The following SBSPON variants were observed in gnomAD, a reference collection of about 807,000 sequenced individuals.
SBSPON encodes the protein somatomedin-B and thrombospondin type-1 domain-containing protein.
A neutral mutation model predicts 35.8 loss-of-function variants in SBSPON; 30 were observed. That is an observed-to-expected ratio of 0.84 (90% confidence interval 0.63 to 1.14). The LOEUF (loss-of-function observed/expected upper bound fraction) is 1.14, where lower values mean the gene tolerates loss of function less well. Among genes scored for constraint, SBSPON ranks in the 50% most tolerant of loss-of-function variants. The pLI is 0.00. For missense variants in SBSPON, 364 were observed against 357.7 expected (o/e 1.02, Z -0.14); for synonymous variants, 136 against 135.9 (o/e 1.00, Z 0.00).
intron 1 of SBSPON, chr8:73,085,992 T>A (rs1420276386): frequency 6.6e-6 from 1 of 152,184 alleles, no homozygotes; most frequent in African/African-American, 2.4e-5. Context: ...CAAATAGTCC[T>A]AATCATTCCT....
Position 73,064,926 on chromosome 8 carries a change from C to T in SBSPON, c.*2415G>A, listed in dbSNP as rs1810359593. The T allele has an allele frequency of 6.6e-6, 1 of 151,972 alleles. No homozygotes were observed. Among genetic ancestry groups the T allele is most frequent in the African/African-American group, 2.4e-5 (1 of 41,398 alleles). The allele number at this position is 151,972 out of a possible 1,614,324, so 9.4% of individuals were successfully genotyped here. Reference sequence around the variant, plus strand: ...GAGTTCGTAAATCTTTTTAGAGTGCCTGGGGATAGGGCCCTAAGACTAAGG... The same window carrying T: ...GAGTTCGTAAATCTTTTTAGAGTGCTTGGGGATAGGGCCCTAAGACTAAGG... On this transcript the variant is annotated 3_prime_UTR_variant, in exon 5 of 5. Transcript: ENST00000297354.
intron 1 of SBSPON, among the ~76,000 whole-genome samples, chr8:73,089,459 G>A (rs1810892726): frequency 6.6e-6 from 1 of 152,086 alleles, no homozygotes; most frequent in African/African-American, 2.4e-5. Context: ...AGGAAGCTGA[G>A]GCAGGAGAAT....
intron 1 of SBSPON, among the ~76,000 whole-genome samples, chr8:73,089,438 C>G (rs1440627367): frequency 1.3e-5 from 2 of 152,020 alleles, no homozygotes; most frequent in Non-Finnish European, 2.9e-5. Context: ...TGCCTGTAAT[C>G]CCAGCTACTC....
rs1810874566 is a variant in SBSPON at position 73,088,468 on chromosome 8, A to T, written c.214+4386T>A. 2.0e-5 allele frequency among the ~76,000 whole-genome samples: 3 copies of T among 152,210 alleles called. No individual in the cohort carries two copies. In the South Asian group the frequency reaches 6.2e-4, roughly 32 times the overall value. On this transcript the variant is annotated intron_variant, in intron 1 of 4. Coordinates refer to ENST00000297354, the MANE Select transcript of SBSPON (RefSeq NM_153225.4). Reference sequence around the variant, plus strand: ...GAGGCCAAGGCAGGCAGATTGCTTGAGCCTAGGAATTGGAGACCAGCTTGG... The same window carrying T: ...GAGGCCAAGGCAGGCAGATTGCTTGTGCCTAGGAATTGGAGACCAGCTTGG...
rs1237477687 is a variant in SBSPON at position 73,065,401 on chromosome 8, G to A, written c.*1940C>T. On this transcript the variant is annotated 3_prime_UTR_variant, in exon 5 of 5. Coordinates refer to ENST00000297354, the MANE Select transcript of SBSPON (RefSeq NM_153225.4). ...ATTTTATCATTCTCTGACTGGTCCA[G>A]AAAATTTGGGTTATTTTCTAGTCAA... is the stretch of plus-strand genomic sequence containing the variant. 1 of 152,090 alleles carries A rather than the reference G, an allele frequency of 6.6e-6. No individual in the cohort carries two copies. Among genetic ancestry groups the A allele is most frequent in the African/African-American group, 2.4e-5 (1 of 41,412 alleles). The allele number at this position is 152,090 out of a possible 1,614,324, so 9.4% of individuals were successfully genotyped here.
intron 1 of SBSPON, among the ~76,000 whole-genome samples, chr8:73,087,027 A>G (rs771830450): frequency 3.3e-5 from 5 of 152,176 alleles, no homozygotes; most frequent in Non-Finnish European, 5.9e-5. Context: ...AAGTAGCATC[A>G]TGATAGCCAT....
intron 1 of SBSPON, among the ~76,000 whole-genome samples, chr8:73,091,602 C>T (rs375806129): frequency 1.0e-3 from 154 of 152,240 alleles, no homozygotes; most frequent in African/African-American, 3.6e-3. Context: ...AGTTACCTGG[C>T]TCAAGGGCAC....
At chr8:73,067,501 C>A (rs781680509) in intron 4 of SBSPON, 43 bp from the exon 5 acceptor site, 3 of 1,189,942 alleles carry the variant, frequency 2.5e-6, no homozygotes. Flanking sequence ...TAAAAGCATA[C>A]CGAAGAAAGG....
chr8:73,074,630 C>G (rs1480358524), intron 2 of SBSPON: 23 of 943,368 alleles, frequency 2.4e-5, no homozygotes, highest in Non-Finnish European at 2.8e-5. Flanking sequence ...TTTGCAGCAT[C>G]TTTCCCATGA....
At chr8:73,089,048 CCTCTA>C (rs1445680606) in intron 1 of SBSPON, among the ~76,000 whole-genome samples, 1 of 152,150 alleles carries the variant, frequency 6.6e-6, no homozygotes, top group Non-Finnish European at 1.5e-5. Flanking sequence ...GGGGTGTCCC[CCTCTA>C]CTCAGCAGGG....
chr8:73,072,001 G>A (rs1489712163), intron 2 of SBSPON, 131 bp from the exon 3 acceptor site: 1 of 635,968 alleles, frequency 1.6e-6, no homozygotes, highest in Non-Finnish European at 2.9e-6. Context: ...CCATCAAGGT[G>A]TGAAATGAGG....
chr8:73,075,858 A>G (rs1810584271), intron 2 of SBSPON: 1 of 380,912 alleles, frequency 2.6e-6, no homozygotes, highest in African/African-American at 2.2e-5. Context: ...ATATATATAA[A>G]CAATTGTCAA....
At chr8:73,078,689 C>G (rs896528929) in intron 2 of SBSPON, among the ~76,000 whole-genome samples, 1 of 152,172 alleles carries the variant, frequency 6.6e-6, no homozygotes, top group African/African-American at 2.4e-5. Context: ...TCTTCCTCCC[C>G]GAGCAGTTTG....
intron 1 of SBSPON, among the ~76,000 whole-genome samples, chr8:73,084,068 C>G (rs1471702440): frequency 6.6e-6 from 1 of 152,178 alleles, no homozygotes; most frequent in Non-Finnish European, 1.5e-5. Context: ...AGAGCACAGA[C>G]AGAAAATAAA....
Position 73,066,395 on chromosome 8 carries a change from C to T in SBSPON, c.*946G>A, listed in dbSNP as rs1221611028. ...TCATAAAATAAGGAGACTAACATTT[C>T]CTTGTGTGTGTGTGAGATCGTAGCA... is the stretch of plus-strand genomic sequence containing the variant. On this transcript the variant is annotated 3_prime_UTR_variant, in exon 5 of 5. Coordinates refer to ENST00000297354, the MANE Select transcript of SBSPON (RefSeq NM_153225.4). 6.6e-6 allele frequency: 1 copy of T among 152,118 alleles called. No individual in the cohort carries two copies. Among genetic ancestry groups the T allele is most frequent in the Non-Finnish European group, 1.5e-5 (1 of 68,014 alleles). 9.4% of individuals were successfully genotyped at this position (152,118 alleles called of 1,614,324 possible).
intron 1 of SBSPON, among the ~76,000 whole-genome samples, chr8:73,090,345 A>G (rs1311354585): frequency 6.6e-6 from 1 of 152,210 alleles, no homozygotes; most frequent in Non-Finnish European, 1.5e-5. Context: ...ACAAATAAAA[A>G]ACAAATATTT....
At chr8:73,076,518 G>A (rs556063111) in intron 2 of SBSPON, among the ~76,000 whole-genome samples, 3 of 152,030 alleles carry the variant, frequency 2.0e-5, no homozygotes, top group South Asian at 2.1e-4. Context: ...GTGTTGGTGC[G>A]CGCCTGTAAT....
At chr8:73,076,139 G>A (rs758456003) in intron 2 of SBSPON, among the ~76,000 whole-genome samples, 1 of 152,076 alleles carries the variant, frequency 6.6e-6, no homozygotes, top group Non-Finnish European at 1.5e-5. Context: ...ACTTAGAGCC[G>A]GGAGATCCAG....
At chr8:73,083,577 A>G (rs1471240584) in intron 1 of SBSPON, among the ~76,000 whole-genome samples, 1 of 152,252 alleles carries the variant, frequency 6.6e-6, no homozygotes, top group Non-Finnish European at 1.5e-5. Context: ...CATTTATTAC[A>G]GCTGCCTGAC....
Sources: gnomAD v4.1 joint callset for allele counts (sites outside exome capture counted in the v4.1 genomes callset) on GRCh38, gnomAD v4.1.1 for gene constraint, MANE v1.5 for transcripts, NCBI Gene and HGNC (gene_info 2026-07-23, HGNC 2026-07-21) for gene names.